FER1L6: variants seen among roughly 807,000 people sequenced by gnomAD.
FER1L6 encodes fer-1 like family member 6, also known as fer-1-like protein 6.
In FER1L6, 177 loss-of-function variants were observed where a neutral mutation model predicts 219.2. The observed-to-expected ratio is 0.81, with a 90% CI of 0.71 to 0.91. The LOEUF (loss-of-function observed/expected upper bound fraction) is 0.91, where lower values mean the gene tolerates loss of function less well. Ranked by LOEUF, FER1L6 falls within the 40% of genes least tolerant of loss-of-function variation. The probability of loss-of-function intolerance (pLI) is 0.00; values close to 1 mark genes in which losing one functional copy is unlikely to be tolerated. For missense variants in FER1L6, 2,153 were observed against 2,259.9 expected (o/e 0.95, Z 0.96); for synonymous variants, 768 against 824.3 (o/e 0.93, Z 1.17).
At chr8:123,969,885 A>AC (rs374001261) in intron 5 of FER1L6, 150 bp from the exon 6 acceptor site, 16,816 of 526,086 alleles carry the variant, frequency 0.032, 40 homozygotes, top group Non-Finnish European at 0.039. Context: ...AAAAAAAAAA[A>AC]AGAGAATTGA....
chr8:123,942,301 C>T lies in FER1L6; in HGVS notation c.-7-13691C>T, dbSNP rs1362758845. On this transcript the variant is annotated intron_variant, in intron 1 of 40. Coordinates refer to ENST00000522917, the MANE Select transcript of FER1L6 (RefSeq NM_001039112.2). ...ACAGGGGTGGCCTCTCAGCCCTCACCGCCAGGTCCTCTTCTTGTCCCAGCA... is the reference window on the plus strand; with the variant it reads ...ACAGGGGTGGCCTCTCAGCCCTCACTGCCAGGTCCTCTTCTTGTCCCAGCA... Among the ~76,000 whole-genome samples the T allele has an allele frequency of 3.9e-5, 6 of 152,276 alleles. No homozygotes were observed. In the East Asian group the frequency reaches 7.7e-4, roughly 20 times the overall value.
At chr8:124,063,721 AG>A (rs1338207590) in intron 25 of FER1L6, among the ~76,000 whole-genome samples, 1 of 152,314 alleles carries the variant, frequency 6.6e-6, no homozygotes, top group East Asian at 1.9e-4. Context: ...GCAAATGGGG[AG>A]AGAGAAACTC....
At chr8:124,114,205 A>G (rs1823137328) in intron 39 of FER1L6, among the ~76,000 whole-genome samples, 1 of 152,110 alleles carries the variant, frequency 6.6e-6, no homozygotes, top group Admixed American at 6.6e-5. Context: ...GTTGGAAATA[A>G]ATCAGTCACC....
chr8:124,088,316 C>A (rs1258533108), intron 33 of FER1L6, among the ~76,000 whole-genome samples: 1 of 152,132 alleles, frequency 6.6e-6, no homozygotes, highest in Non-Finnish European at 1.5e-5. Flanking sequence ...CTGCCCCAGT[C>A]CCATGGTGAG....
At chr8:123,946,354 T>C (rs1324459698) in intron 1 of FER1L6, among the ~76,000 whole-genome samples, 2 of 152,096 alleles carry the variant, frequency 1.3e-5, no homozygotes, top group Non-Finnish European at 2.9e-5. Context: ...TGGGTTCAAG[T>C]GATTCTCCTG....
At chr8:123,913,938 G>A (rs1813114291) in intron 1 of FER1L6, among the ~76,000 whole-genome samples, 1 of 152,060 alleles carries the variant, frequency 6.6e-6, no homozygotes, top group South Asian at 2.1e-4. Context: ...CATGAGAAAG[G>A]TCTGGATACA....
At chr8:123,938,337 C>G (rs557789600) in intron 1 of FER1L6, among the ~76,000 whole-genome samples, 46 of 152,262 alleles carry the variant, frequency 3.0e-4, no homozygotes, top group African/African-American at 1.0e-3. Flanking sequence ...TACATCATGA[C>G]TTGCATCACT....
chr8:124,021,313 A>T (rs1380829632), intron 16 of FER1L6, among the ~76,000 whole-genome samples: 1 of 152,164 alleles, frequency 6.6e-6, no homozygotes, highest in Non-Finnish European at 1.5e-5. Context: ...ATAAACCTGT[A>T]GCCTTTCTGG....
At chr8:123,944,841 T>C (rs1277757840) in intron 1 of FER1L6, among the ~76,000 whole-genome samples, 1 of 152,186 alleles carries the variant, frequency 6.6e-6, no homozygotes, top group African/African-American at 2.4e-5. Context: ...AAGTGTTGTA[T>C]GAATAGGACC....
chr8:124,045,903 T>C lies in FER1L6; in HGVS notation c.2724+2T>C. 3 of 1,613,702 alleles carry C rather than the reference T, an allele frequency of 1.9e-6. No homozygotes were observed. The highest frequency in any genetic ancestry group is 2.5e-6 in the Non-Finnish European group (3 of 1,179,928). On this transcript the variant is annotated splice_donor_variant, in intron 21 of 40. Coordinates refer to ENST00000522917, the MANE Select transcript of FER1L6 (RefSeq NM_001039112.2). LOFTEE classifies it high-confidence loss of function. ...GAGCTGTATGACAGCGACGCTGTGG[T>C]GAGTGTCCCCCTGGGCCAGTGCTGA... is the stretch of plus-strand genomic sequence containing the variant.
intron 18 of FER1L6, among the ~76,000 whole-genome samples, chr8:124,025,289 C>T (rs1818656381): frequency 6.6e-6 from 1 of 151,810 alleles, no homozygotes; most frequent in Admixed American, 6.6e-5. Context: ...AGGTTTTCTT[C>T]CAGAGTTTTT....
intron 17 of FER1L6, among the ~76,000 whole-genome samples, chr8:124,022,435 G>T (rs1818495596): frequency 6.6e-6 from 1 of 152,120 alleles, no homozygotes; most frequent in Non-Finnish European, 1.5e-5. Flanking sequence ...TGAGAGTTTT[G>T]TTTGTTCAGA....
chr8:124,091,537 A>G lies in FER1L6; in HGVS notation c.4506A>G (p.Gly1502=), dbSNP rs199621413. ...TTCACCCTGGGAAAATACAGATAGG[A>G]AACCAAGTCTTTTCTGGAAAAACTA... ...PYFHPGKIQI[G]NQVFSGKTIF... is the part of the protein sequence containing the mutation. The change falls in exon 34 of 41, where the codon GGA becomes GGG. Residue 1502 remains glycine (G), a synonymous_variant. Coordinates refer to ENST00000522917, the MANE Select transcript of FER1L6 (RefSeq NM_001039112.2). 3.1e-6 allele frequency: 5 copies of G among 1,614,002 alleles called. No individual in the cohort carries two copies. The highest frequency in any genetic ancestry group is 1.1e-5 in the South Asian group (1 of 91,074).
At chr8:123,971,722 A>G (rs1046411255) in intron 6 of FER1L6, among the ~76,000 whole-genome samples, 1 of 152,218 alleles carries the variant, frequency 6.6e-6, no homozygotes, top group Non-Finnish European at 1.5e-5. Flanking sequence ...TGCCCAGAAT[A>G]TATACGACAT....
At chr8:123,909,594 A>T (rs1473081520) in intron 1 of FER1L6, among the ~76,000 whole-genome samples, 1 of 152,172 alleles carries the variant, frequency 6.6e-6, no homozygotes, top group African/African-American at 2.4e-5. Flanking sequence ...GGCTACACAT[A>T]AAGGTTGAGG....
chr8:124,014,030 C>A (rs563764783), intron 15 of FER1L6, among the ~76,000 whole-genome samples: 1 of 152,038 alleles, frequency 6.6e-6, no homozygotes, highest in South Asian at 2.1e-4. Context: ...GAGGGAAAAC[C>A]TTCCCTCCTC....
At chr8:124,021,434 C>A (rs1053960582) in intron 16 of FER1L6, 116 bp from the exon 17 acceptor site, 2 of 1,415,186 alleles carry the variant, frequency 1.4e-6, no homozygotes, top group Non-Finnish European at 2.0e-6. Context: ...CTGGAACAGT[C>A]CACGTGAGTG....
In FER1L6 at chr8:124,023,607, A is replaced by T; in HGVS notation, c.2286+11A>T. On this transcript the variant is annotated intron_variant, in intron 18 of 40. Transcript: ENST00000522917. ...ACTCACTTCCTCAAAGTAAGTGTGC[A>T]GTATTTTAACTAAAAGAAGGGAGAT... 6.2e-7 allele frequency: 1 copy of T among 1,613,694 alleles called. No individual in the cohort carries two copies. Among genetic ancestry groups the T allele is most frequent in the Non-Finnish European group, 8.5e-7 (1 of 1,179,732 alleles).
chr8:124,083,606 G>T (rs191797194), intron 33 of FER1L6, among the ~76,000 whole-genome samples: 1 of 148,178 alleles, frequency 6.7e-6, no homozygotes, highest in East Asian at 2.0e-4. Flanking sequence ...ACTATAAAAA[G>T]ACAAGAAAAA....
Sources: gnomAD v4.1 joint callset for allele counts (sites outside exome capture counted in the v4.1 genomes callset) on GRCh38, gnomAD v4.1.1 for gene constraint, MANE v1.5 for transcripts, NCBI Gene and HGNC (gene_info 2026-07-23, HGNC 2026-07-21) for gene names.